The following SYNPO2 variants were observed in gnomAD, a reference collection of about 807,000 sequenced individuals.
The protein encoded by SYNPO2 is synaptopodin-2.
SYNPO2 carries 56 observed loss-of-function variants against 85.0 expected under a neutral mutation model. That is an observed-to-expected ratio of 0.66 (90% CI 0.53 to 0.82). SYNPO2 has a LOEUF of 0.82. Ranked by LOEUF, SYNPO2 falls within the 40% of genes least tolerant of loss-of-function variation. The pLI is 0.00. For synonymous variants in SYNPO2, 602 were observed against 591.1 expected (o/e 1.02, Z -0.27); for missense variants, 1,575 against 1,534.2 (o/e 1.03, Z -0.44).
intron 1 of SYNPO2, among the ~76,000 whole-genome samples, chr4:118,996,967 G>A (rs529783106): frequency 3.9e-4 from 59 of 150,678 alleles, no homozygotes; most frequent in African/African-American, 1.4e-3. Flanking sequence ...AAGGCCGGGC[G>A]CGGTGGCTCA....
In SYNPO2 at chr4:119,058,117, C is replaced by T; in HGVS notation, c.*183C>T. On this transcript the variant is annotated 3_prime_UTR_variant, in exon 5 of 5. Transcript: ENST00000307142. Reference sequence around the variant, plus strand: ...GTGTGTATGTATGTGAATATACACACACACACACACACAGGTGAGTGTGAA... The same window carrying T: ...GTGTGTATGTATGTGAATATACACATACACACACACACAGGTGAGTGTGAA... The T allele has an allele frequency of 4.2e-6, 2 of 474,296 alleles. No homozygotes were observed. Among genetic ancestry groups the T allele is most frequent in the Non-Finnish European group, 7.5e-6 (2 of 265,146 alleles). The allele number at this position is 474,296 out of a possible 1,614,324, so 29.4% of individuals were successfully genotyped here.
intron 4 of SYNPO2, among the ~76,000 whole-genome samples, chr4:119,051,736 G>C (rs747317158): frequency 1.3e-5 from 2 of 152,152 alleles, no homozygotes; most frequent in African/African-American, 4.8e-5. Flanking sequence ...GCTTTGTACT[G>C]TACTGAAAAT....
Position 119,059,459 on chromosome 4 carries a change from T to A in SYNPO2, c.*1525T>A, listed in dbSNP as rs1739334940. On this transcript the variant is annotated 3_prime_UTR_variant, in exon 5 of 5. Coordinates refer to ENST00000307142, the MANE Select transcript of SYNPO2 (RefSeq NM_133477.3). ...CCTTGTTAGCATGCCCATCAAATAATCAGATCAAACACCTGCTCCTTATTG... is the reference window on the plus strand; with the variant it reads ...CCTTGTTAGCATGCCCATCAAATAAACAGATCAAACACCTGCTCCTTATTG... 6.6e-6 allele frequency: 1 copy of A among 152,086 alleles called. No individual in the cohort carries two copies. The highest frequency in any genetic ancestry group is 2.1e-4 in the South Asian group (1 of 4,832). 9.4% of individuals were successfully genotyped at this position (152,086 alleles called of 1,614,324 possible).
intron 1 of SYNPO2, among the ~76,000 whole-genome samples, chr4:119,017,277 C>G (rs1737557949): frequency 6.6e-6 from 1 of 152,118 alleles, no homozygotes; most frequent in Non-Finnish European, 1.5e-5. Context: ...GGATAGCAAG[C>G]CCTCTGAAAA....
upstream of SYNPO2, among the ~76,000 whole-genome samples, chr4:118,887,676 T>C (rs554590747): frequency 2.6e-5 from 4 of 152,366 alleles, no homozygotes; most frequent in East Asian, 7.7e-4. Context: ...TTTGGTGATG[T>C]CTTTGTGACC....
At chr4:118,885,894 C>T (rs181336233), upstream of SYNPO2, among the ~76,000 whole-genome samples, 265 of 152,266 alleles carry the variant, frequency 1.7e-3, no homozygotes, top group African/African-American at 5.6e-3. Flanking sequence ...CAGACAAATT[C>T]GGGCAGACAA....
intron 1 of SYNPO2, among the ~76,000 whole-genome samples, chr4:118,962,220 T>C (rs2149148871): frequency 6.6e-6 from 1 of 152,194 alleles, no homozygotes; most frequent in African/African-American, 2.4e-5. Flanking sequence ...TAGAGAAAAA[T>C]GATTAGAAAA....
intron 1 of SYNPO2, among the ~76,000 whole-genome samples, chr4:118,891,131 G>C (rs1488651833): frequency 1.3e-5 from 2 of 152,046 alleles, no homozygotes; most frequent in African/African-American, 4.8e-5. Flanking sequence ...AAGGTTGTTA[G>C]GCTATGTCAG....
At chr4:119,025,704 T>TA (rs148171546) in intron 2 of SYNPO2, among the ~76,000 whole-genome samples, 16 of 152,070 alleles carry the variant, frequency 1.1e-4, no homozygotes, top group East Asian at 3.9e-4. Flanking sequence ...CTTCCAAAAT[T>TA]AAAAAAAATA....
At chr4:118,915,390 G>C (rs1488503608) in intron 1 of SYNPO2, among the ~76,000 whole-genome samples, 3 of 152,034 alleles carry the variant, frequency 2.0e-5, no homozygotes, top group Non-Finnish European at 4.4e-5. Flanking sequence ...CACATTCCTA[G>C]AAAGTAGATA....
chr4:119,011,319 T>G (rs1415599381), intron 1 of SYNPO2, among the ~76,000 whole-genome samples: 1 of 152,018 alleles, frequency 6.6e-6, no homozygotes, highest in Non-Finnish European at 1.5e-5. Context: ...CTCCATAAAT[T>G]GCAACCAAGC....
intron 1 of SYNPO2, among the ~76,000 whole-genome samples, chr4:118,871,451 T>A (rs1053835499): frequency 2.0e-5 from 3 of 152,198 alleles, no homozygotes; most frequent in African/African-American, 7.2e-5. Flanking sequence ...AACATAGGGT[T>A]ATTTGTATTT....
chr4:118,908,329 A>G (rs1443654528), intron 1 of SYNPO2, among the ~76,000 whole-genome samples: 2 of 152,210 alleles, frequency 1.3e-5, no homozygotes, highest in Non-Finnish European at 2.9e-5. Context: ...ATTGGCCAAT[A>G]CAGATTTCTT....
chr4:118,944,593 T>C (rs1179930234), intron 1 of SYNPO2, among the ~76,000 whole-genome samples: 2 of 152,152 alleles, frequency 1.3e-5, no homozygotes, highest in East Asian at 1.9e-4. Flanking sequence ...GTTACGGCGA[T>C]GGTTCAGGCC....
intron 1 of SYNPO2, among the ~76,000 whole-genome samples, chr4:118,928,405 T>C (rs1197177041): frequency 6.6e-6 from 1 of 152,174 alleles, no homozygotes; most frequent in Non-Finnish European, 1.5e-5. Flanking sequence ...TGCATATAAA[T>C]TTGTGTGGGA....
chr4:118,921,062 G>T (rs552708113), intron 1 of SYNPO2, among the ~76,000 whole-genome samples: 5 of 151,988 alleles, frequency 3.3e-5, no homozygotes, highest in East Asian at 1.9e-4. Context: ...GCATCAACAC[G>T]CATGGCTATT....
At chr4:118,955,082 C>T (rs1734827534) in intron 1 of SYNPO2, among the ~76,000 whole-genome samples, 1 of 149,970 alleles carries the variant, frequency 6.7e-6, no homozygotes, top group Non-Finnish European at 1.5e-5. Context: ...TCACTGCAAT[C>T]TCTGCCTCCC....
At chr4:118,865,140 CTATTGCTGGAGTCT>C (rs1731677936) in intron 1 of SYNPO2, among the ~76,000 whole-genome samples, 1 of 152,154 alleles carries the variant, frequency 6.6e-6, no homozygotes, top group Admixed American at 6.5e-5. Flanking sequence ...GTTGCCACAG[CTATTGCTGGAGTCT>C]TGGAGGAGGC....
chr4:118,945,959 T>G (rs1192438135), intron 1 of SYNPO2, among the ~76,000 whole-genome samples: 1 of 152,126 alleles, frequency 6.6e-6, no homozygotes, highest in Non-Finnish European at 1.5e-5. Flanking sequence ...TTGGCCAGGA[T>G]GGTCTCGATC....
Sources: gnomAD v4.1 joint callset for allele counts (sites outside exome capture counted in the v4.1 genomes callset) on GRCh38, gnomAD v4.1.1 for gene constraint, MANE v1.5 for transcripts, NCBI Gene and HGNC (gene_info 2026-07-23, HGNC 2026-07-21) for gene names.